Variants in CTBP1 observed in about 807,000 individuals in gnomAD.
The protein encoded by CTBP1 is C-terminal binding protein 1.
In CTBP1, 11 loss-of-function variants were observed where a neutral mutation model predicts 42.1. The observed-to-expected ratio is 0.26, with a 90% CI of 0.16 to 0.43. The LOEUF (loss-of-function observed/expected upper bound fraction) is 0.43. Ranked by LOEUF, CTBP1 falls within the 20% of genes least tolerant of loss-of-function variation. The pLI is 1.00. For synonymous variants in CTBP1, 324 were observed against 277.1 expected, an observed-to-expected ratio of 1.17 and a Z score of -1.68; for missense variants, 399 against 624.3, an observed-to-expected ratio of 0.64 and a Z score of 3.85.
rs117976120 is a variant in CTBP1, at chr4:1,222,801, G to A, written c.514+2559C>T. 1.1e-4 allele frequency among the ~76,000 whole-genome samples: 16 copies of A among 152,280 alleles called. No homozygotes were observed. In the East Asian group the frequency reaches 3.1e-3, roughly 29 times the overall value. The stretch of plus-strand genomic sequence containing the variant: ...AGGCCTCAGAGTGGCCACGGGAAGA[G>A]CCCGGGGCCTTCAGGGCCGGGACCA... On this transcript the variant is annotated intron_variant, in intron 5 of 9. Transcript: ENST00000382952.
rs1257312539 is a variant in CTBP1, at chr4:1,242,294, C to T, written c.-188-775G>A. The T allele has an allele frequency of 9.1e-6, 9 of 985,294 alleles. No homozygotes were observed. The South Asian group carries it at 4.2e-4, about 46-fold the overall frequency. 61.0% of individuals were successfully genotyped at this position (985,294 alleles called of 1,614,324 possible). A position where few individuals can be genotyped will look rare whatever the true frequency, so the allele number is the denominator to read the frequency against. On this transcript the variant is annotated intron_variant, in intron 1 of 9. Transcript: ENST00000382952. ...GTGTCACTGAGCTGCCCACACCTGG[C>T]CCCTGCTCTGGCATGAAGACACAGC...
chr4:1,244,444 T>C, intron 1 of CTBP1: 1 of 984,696 alleles, frequency 1.0e-6, no homozygotes, highest in Non-Finnish European at 1.2e-6. Flanking sequence ...CCTCAGCACC[T>C]GGTCCTCATC....
Position 1,238,412 on chromosome 4 carries a change from T to G in CTBP1, c.8-75A>C. On this transcript the variant is annotated intron_variant, in intron 2 of 9. Coordinates refer to ENST00000382952, the MANE Select transcript of CTBP1 (RefSeq NM_001012614.2). This position sits in a 1 kb window ranked among gnomAD's most constrained non-coding sequence, Gnocchi z 5.9. ...CTACAACCCACTCCACGCCACCCAC[T>G]GTGCACGGGCCAACGAGGGCCGACC... 6.8e-7 allele frequency: 1 copy of G among 1,473,338 alleles called. No homozygotes were observed. The highest frequency in any genetic ancestry group is 9.0e-7 in the Non-Finnish European group (1 of 1,108,808). The allele number at this position is 1,473,338 out of a possible 1,614,324, so 91.3% of individuals were successfully genotyped here. A position where few individuals can be genotyped will look rare whatever the true frequency, so the allele number is the denominator to read the frequency against.
At chr4:1,213,754 C>A in intron 7 of CTBP1, 149 bp from the exon 8 acceptor site, 1 of 1,034,172 alleles carries the variant, frequency 9.7e-7, no homozygotes. Context: ...GCTGGCTGAG[C>A]TCAAGAGCAC....
At chr4:1,229,973 A>G (rs963490992) in intron 3 of CTBP1, among the ~76,000 whole-genome samples, 10 of 152,122 alleles carry the variant, frequency 6.6e-5, no homozygotes, top group African/African-American at 2.2e-4. Flanking sequence ...AGGTTGGAGC[A>G]CCTCGGCTGC....
intron 5 of CTBP1, chr4:1,221,912 G>A (rs982595726): frequency 5.3e-6 from 2 of 380,062 alleles, no homozygotes; most frequent in South Asian, 3.8e-5. Flanking sequence ...AGAAGGAGAT[G>A]TAAGTCACGG....
At chr4:1,243,573 A>G in intron 1 of CTBP1, 1 of 985,300 alleles carries the variant, frequency 1.0e-6, no homozygotes, top group Non-Finnish European at 1.2e-6. Flanking sequence ...GCCACTGTGC[A>G]CCCACAAAGC....
At chr4:1,242,720 C>T (rs543009370) in intron 1 of CTBP1, 52 of 985,234 alleles carry the variant, frequency 5.3e-5, no homozygotes, top group Admixed American at 3.1e-4. Context: ...CCATCACCTG[C>T]GCCTGAGCCC....
intron 8 of CTBP1, 103 bp downstream of exon 8, chr4:1,213,375 C>T: frequency 6.4e-7 from 1 of 1,557,618 alleles, no homozygotes; most frequent in Non-Finnish European, 8.7e-7. Context: ...GGGCCCTGAG[C>T]TGGCAGAACA....
chr4:1,243,273 T>C (rs1732373911), intron 1 of CTBP1: 11 of 985,338 alleles, frequency 1.1e-5, no homozygotes, highest in South Asian at 4.7e-5. Context: ...AAGAAGCAGA[T>C]GTGTGAAGGC....
intron 2 of CTBP1, among the ~76,000 whole-genome samples, chr4:1,240,932 G>A (rs540194612): frequency 6.6e-6 from 1 of 152,350 alleles, no homozygotes; most frequent in South Asian, 2.1e-4. Flanking sequence ...CCAACCACAA[G>A]GAACAGCTCC....
rs570649543 is a variant in CTBP1 at position 1,213,613 on chromosome 4, C to T, written c.861-8G>A. The stretch of plus-strand genomic sequence containing the variant: ...AGAGGGCCCTGGCTAAAGCTGGGAA[C>T]AGCACAGGCATGGTCAGTGCAGCCT... On this transcript the variant is annotated splice_region_variant and splice_polypyrimidine_tract_variant and intron_variant, in intron 7 of 9. Coordinates refer to ENST00000382952, the MANE Select transcript of CTBP1 (RefSeq NM_001012614.2). 2.5e-6 allele frequency: 4 copies of T among 1,612,408 alleles called. No individual in the cohort carries two copies. The highest frequency in any genetic ancestry group is 2.2e-5 in the East Asian group (1 of 44,868).
In CTBP1 at chr4:1,212,190, G is replaced by A; in HGVS notation, c.*50C>T. The stretch of plus-strand genomic sequence containing the variant: ...CCTCCTCCACACACTCTGGTCCGAG[G>A]GTTTCCGGGCCCTCTGCCCAGGCGC... On this transcript the variant is annotated 3_prime_UTR_variant, in exon 10 of 10. Transcript: ENST00000382952. The A allele has an allele frequency of 2.9e-6, 4 of 1,378,226 alleles. No individual in the cohort carries two copies. Among genetic ancestry groups the A allele is most frequent in the East Asian group, 3.0e-5 (1 of 32,874 alleles). The allele number at this position is 1,378,226 out of a possible 1,614,324, so 85.4% of individuals were successfully genotyped here. A position where few individuals can be genotyped will look rare whatever the true frequency, so the allele number is the denominator to read the frequency against.
At chr4:1,230,390 G>C (rs1255363695) in intron 3 of CTBP1, among the ~76,000 whole-genome samples, 2 of 152,234 alleles carry the variant, frequency 1.3e-5, no homozygotes, top group African/African-American at 4.8e-5. Context: ...AGCAGCCGCA[G>C]CTAAGAGAGA....
intron 5 of CTBP1, chr4:1,223,615 G>A (rs1729989916): frequency 2.7e-5 from 11 of 402,482 alleles, no homozygotes; most frequent in South Asian, 1.7e-4. Flanking sequence ...GCGATCTGGG[G>A]AGACAGGCAG....
At chr4:1,244,762 C>A (rs1167374549) in intron 1 of CTBP1, 1 of 985,294 alleles carries the variant, frequency 1.0e-6, no homozygotes, top group African/African-American at 1.7e-5. Flanking sequence ...CGTGACAAAG[C>A]TGCCCTGCCG....
Position 1,211,914 on chromosome 4 carries a change from T to A in CTBP1, c.*326A>T. The A allele has an allele frequency of 4.6e-6, 1 of 215,850 alleles. No homozygotes were observed. 13.4% of individuals were successfully genotyped at this position (215,850 alleles called of 1,614,324 possible). A position where few individuals can be genotyped will look rare whatever the true frequency, so the allele number is the denominator to read the frequency against. On this transcript the variant is annotated 3_prime_UTR_variant, in exon 10 of 10. Transcript: ENST00000382952. ...AAACCTCAAATTGACTTCCAAATGC[T>A]CCTTCAGGTTTTCTTTTTGTTGACA...
rs527852072 is a variant in CTBP1, at chr4:1,242,854, C to T, written c.-188-1335G>A. ...CTAAATGTCACATTTCACCCACGAG[C>T]CAGCCTGGCCAGGGGGCAAGGCACC... On this transcript the variant is annotated intron_variant, in intron 1 of 9. Coordinates refer to ENST00000382952, the MANE Select transcript of CTBP1 (RefSeq NM_001012614.2). The T allele has an allele frequency of 5.3e-4, 525 of 985,448 alleles. 1 individual carries two copies. The highest frequency in any genetic ancestry group is 6.1e-4 in the Non-Finnish European group (503 of 829,926). The allele number at this position is 985,448 out of a possible 1,614,324, so 61.0% of individuals were successfully genotyped here.
intron 3 of CTBP1, among the ~76,000 whole-genome samples, chr4:1,230,568 C>A (rs990881774): frequency 2.6e-5 from 4 of 152,162 alleles, no homozygotes; most frequent in African/African-American, 9.7e-5. Flanking sequence ...GCAGGGGCCA[C>A]TTCCACAGTG....
Sources: allele counts gnomAD v4.1 joint callset (sites outside exome capture counted in the v4.1 genomes callset), GRCh38; gene constraint gnomAD v4.1.1; non-coding constraint Gnocchi (gnomAD v3.1); transcripts MANE v1.5; gene names NCBI Gene and HGNC (gene_info 2026-07-23, HGNC 2026-07-21).